PAWR: variants seen among roughly 807,000 people sequenced by gnomAD.
The protein encoded by PAWR is PRKC apoptosis WT1 regulator protein.
In PAWR, 23 loss-of-function variants were observed where a neutral mutation model predicts 32.0. The observed-to-expected ratio is 0.72, with a 90% confidence interval of 0.52 to 1.02. PAWR has a LOEUF of 1.02. Among genes scored for constraint, PAWR ranks in the 50% least tolerant of loss-of-function variants. PAWR has a pLI of 0.00. For synonymous variants in PAWR, 226 were observed against 187.1 expected (o/e 1.21, Z -1.70); for missense variants, 457 against 437.7 (o/e 1.04, Z -0.39).
At chr12:79,653,023 TTTTG>T (rs1876921792) in intron 2 of PAWR, among the ~76,000 whole-genome samples, 1 of 152,102 alleles carries the variant, frequency 6.6e-6, no homozygotes, top group Non-Finnish European at 1.5e-5. Context: ...GAAATTCTGT[TTTTG>T]TGTTTGTTTT....
chr12:79,659,105 G>A (rs571078903), intron 2 of PAWR, among the ~76,000 whole-genome samples: 2 of 152,186 alleles, frequency 1.3e-5, no homozygotes, highest in Admixed American at 1.3e-4. Flanking sequence ...ACACCATCCT[G>A]GCTAACACGG....
At chr12:79,680,931 T>C (rs1243134141) in intron 2 of PAWR, among the ~76,000 whole-genome samples, 1 of 151,522 alleles carries the variant, frequency 6.6e-6, no homozygotes, top group Non-Finnish European at 1.5e-5. Flanking sequence ...ACCAGCAACA[T>C]ACTGAGACCC....
At chr12:79,690,476 T>G in intron 1 of PAWR, 85 bp from the exon 2 acceptor site, 1 of 838,192 alleles carries the variant, frequency 1.2e-6, no homozygotes, top group Non-Finnish European at 1.6e-6. Context: ...CTGCGCCCCT[T>G]GGAGTCCTCG....
At chr12:79,687,870 A>C (rs1878758161) in intron 2 of PAWR, among the ~76,000 whole-genome samples, 1 of 152,194 alleles carries the variant, frequency 6.6e-6, no homozygotes, top group Non-Finnish European at 1.5e-5. Flanking sequence ...TCTGTTAATT[A>C]GATACTGTAG....
At chr12:79,623,643 A>T (rs547907180) in intron 2 of PAWR, among the ~76,000 whole-genome samples, 5 of 152,288 alleles carry the variant, frequency 3.3e-5, no homozygotes, top group Admixed American at 2.0e-4. Context: ...ACTTTACTGA[A>T]GAATACAAAT....
intron 1 of PAWR, 41 bp from the exon 2 acceptor site, chr12:79,690,432 A>T: frequency 8.0e-7 from 1 of 1,242,280 alleles, no homozygotes; most frequent in South Asian, 1.9e-5. Context: ...GGGAAGCGTA[A>T]GATCCCCGCC....
chr12:79,607,691 T>C (rs1874242771), intron 4 of PAWR, among the ~76,000 whole-genome samples: 1 of 149,096 alleles, frequency 6.7e-6, no homozygotes, highest in African/African-American at 2.4e-5. Flanking sequence ...ATTACACTAC[T>C]GCACTCCAGC....
At chr12:79,650,328 T>C (rs1051239862) in intron 2 of PAWR, among the ~76,000 whole-genome samples, 1 of 152,224 alleles carries the variant, frequency 6.6e-6, no homozygotes, top group Non-Finnish European at 1.5e-5. Flanking sequence ...ACACGCTACA[T>C]TGACACTGTA....
chr12:79,637,716 C>T (rs1876029003), intron 2 of PAWR, among the ~76,000 whole-genome samples: 1 of 151,622 alleles, frequency 6.6e-6, no homozygotes, highest in African/African-American at 2.4e-5. Flanking sequence ...ACATACACAC[C>T]AACACTCACA....
intron 2 of PAWR, among the ~76,000 whole-genome samples, chr12:79,647,011 A>T (rs1175943292): frequency 6.6e-6 from 1 of 151,910 alleles, no homozygotes; most frequent in East Asian, 1.9e-4. Flanking sequence ...CCCCATCTTT[A>T]CTAAAATACA....
At chr12:79,639,046 G>A (rs1876151723) in intron 2 of PAWR, among the ~76,000 whole-genome samples, 1 of 148,626 alleles carries the variant, frequency 6.7e-6, no homozygotes, top group Admixed American at 6.7e-5. Flanking sequence ...CTGAGTAGCT[G>A]GGGTTACAGG....
Position 79,587,445 on chromosome 12 carries a change from T to C in PAWR, c.*5162A>G, listed in dbSNP as rs558280457. On this transcript the variant is annotated 3_prime_UTR_variant, in exon 7 of 7. Transcript: ENST00000328827. ...CAAACTTTGAAGGACCTGAAATTCT[T>C]TGGACACCATCAGATTTAGTTTATA... is the stretch of plus-strand genomic sequence containing the variant. The C allele has an allele frequency of 6.6e-6, 1 of 152,198 alleles. No homozygotes were observed. The highest frequency in any genetic ancestry group is 1.9e-4 in the East Asian group (1 of 5,184). The allele number at this position is 152,198 out of a possible 1,614,324, so 9.4% of individuals were successfully genotyped here. A position where few individuals can be genotyped will look rare whatever the true frequency, so the allele number is the denominator to read the frequency against.
intron 2 of PAWR, among the ~76,000 whole-genome samples, chr12:79,653,393 G>C (rs1876946410): frequency 6.6e-6 from 1 of 152,024 alleles, no homozygotes; most frequent in South Asian, 2.1e-4. Flanking sequence ...TTTAAAAAAT[G>C]GGAGCTTTCT....
chr12:79,624,683 T>A (rs1875192708), intron 2 of PAWR, among the ~76,000 whole-genome samples: 1 of 152,168 alleles, frequency 6.6e-6, no homozygotes, highest in Admixed American at 6.5e-5. Context: ...GATAAATACA[T>A]CTGGAGGAAG....
At chr12:79,621,911 A>G (rs1372348103) in intron 2 of PAWR, among the ~76,000 whole-genome samples, 1 of 152,164 alleles carries the variant, frequency 6.6e-6, no homozygotes, top group Non-Finnish European at 1.5e-5. Context: ...TATACACATC[A>G]TGGGCTGGGT....
chr12:79,646,738 C>T (rs984755540), intron 2 of PAWR, among the ~76,000 whole-genome samples: 3 of 152,022 alleles, frequency 2.0e-5, no homozygotes, highest in African/African-American at 7.2e-5. Context: ...TAATTCAATA[C>T]AATTAGGTAG....
chr12:79,631,740 A>G (rs536698337), intron 2 of PAWR, among the ~76,000 whole-genome samples: 69 of 152,352 alleles, frequency 4.5e-4, no homozygotes, highest in African/African-American at 1.6e-3. Context: ...GCAATCCTAA[A>G]ATCAAAATCC....
chr12:79,639,833 C>T (rs12424774), intron 2 of PAWR, among the ~76,000 whole-genome samples: 67,831 of 128,198 alleles, frequency 0.53, 20,136 homozygotes, highest in Non-Finnish European at 0.64. Context: ...TTTCCTTTTC[C>T]ATTCCTATTC....
Position 79,587,902 on chromosome 12 carries a change from A to T in PAWR, c.*4705T>A. ...AATAAAAACCTATGAAATGGGAATG[A>T]TCAAAGCTGTCTAACACAATACTAA... On this transcript the variant is annotated 3_prime_UTR_variant, in exon 7 of 7. Coordinates refer to ENST00000328827, the MANE Select transcript of PAWR (RefSeq NM_002583.4). 9.7e-6 allele frequency: 1 copy of T among 103,238 alleles called. No individual in the cohort carries two copies. The highest frequency in any genetic ancestry group is 2.5e-5 in the African/African-American group (1 of 40,594). The allele number at this position is 103,238 out of a possible 1,614,324, so 6.4% of individuals were successfully genotyped here. A position where few individuals can be genotyped will look rare whatever the true frequency, so the allele number is the denominator to read the frequency against.
Sources: gnomAD v4.1 joint callset for allele counts (sites outside exome capture counted in the v4.1 genomes callset) on GRCh38, gnomAD v4.1.1 for gene constraint, MANE v1.5 for transcripts, NCBI Gene and HGNC (gene_info 2026-07-23, HGNC 2026-07-21) for gene names.